BEND6: variants seen among roughly 807,000 people sequenced by gnomAD.
BEND6 encodes the protein BEN domain containing 6.
Under a neutral mutation model 31.8 loss-of-function variants are expected in BEND6, and 24 were observed. The ratio of observed to expected loss-of-function variants is 0.75; its 90% CI spans 0.55 to 1.06. The LOEUF (loss-of-function observed/expected upper bound fraction) is 1.06. Among genes scored for constraint, BEND6 ranks in the 50% least tolerant of loss-of-function variants. The pLI is 0.00. For missense variants in BEND6, 294 were observed against 327.4 expected, an observed-to-expected ratio of 0.90 and a Z score of 0.79; for synonymous variants, 109 against 114.6, an observed-to-expected ratio of 0.95 and a Z score of 0.31.
chr6:57,024,488 G>A (rs867938820), intron 6 of BEND6, among the ~76,000 whole-genome samples: 60 of 151,638 alleles, frequency 4.0e-4, no homozygotes, highest in African/African-American at 9.7e-4. Context: ...AGTATTTTTG[G>A]ATGACAGTTT....
At chr6:56,966,747 A>T (rs1204114912) in intron 1 of BEND6, among the ~76,000 whole-genome samples, 4 of 152,144 alleles carry the variant, frequency 2.6e-5, no homozygotes, top group Admixed American at 6.6e-5. Flanking sequence ...ATTTCCGAAA[A>T]GACAAAGGCT....
intron 2 of BEND6, among the ~76,000 whole-genome samples, 164 bp from the exon 3 acceptor site, chr6:56,992,214 G>A (rs1017707632): frequency 3.3e-5 from 5 of 152,164 alleles, no homozygotes; most frequent in African/African-American, 1.2e-4. Flanking sequence ...CCCTTATTTT[G>A]AGTTCCTCTG....
intron 3 of BEND6, among the ~76,000 whole-genome samples, chr6:57,013,346 T>G (rs1294461044): frequency 6.6e-6 from 1 of 152,138 alleles, no homozygotes; most frequent in Non-Finnish European, 1.5e-5. Flanking sequence ...ACGTGAGGCT[T>G]TGGTTGTCTC....
intron 5 of BEND6, among the ~76,000 whole-genome samples, chr6:57,018,175 G>A (rs1258130444): frequency 6.6e-6 from 1 of 152,176 alleles, no homozygotes; most frequent in Non-Finnish European, 1.5e-5. Flanking sequence ...AAGCAAGTAG[G>A]AGGATTAAAG....
intron 6 of BEND6, among the ~76,000 whole-genome samples, chr6:57,020,998 A>G (rs904665417): frequency 1.3e-5 from 2 of 152,174 alleles, no homozygotes; most frequent in Admixed American, 6.5e-5. Flanking sequence ...TCTGCTAGCT[A>G]TGGCATTAAT....
intron 1 of BEND6, among the ~76,000 whole-genome samples, chr6:56,974,221 A>T (rs972392421): frequency 2.6e-5 from 4 of 152,222 alleles, no homozygotes; most frequent in Admixed American, 6.5e-5. Flanking sequence ...ATGGAGAAAA[A>T]GGAATTAAAG....
intron 3 of BEND6, among the ~76,000 whole-genome samples, chr6:57,014,736 G>A (rs1324927487): frequency 6.6e-6 from 1 of 152,156 alleles, no homozygotes; most frequent in East Asian, 1.9e-4. Flanking sequence ...ACATAAACAG[G>A]CCTAATGTGA....
At chr6:56,964,766 G>A (rs1825410028) in intron 1 of BEND6, among the ~76,000 whole-genome samples, 1 of 152,202 alleles carries the variant, frequency 6.6e-6, no homozygotes, top group Non-Finnish European at 1.5e-5. Context: ...CAAGTATTGG[G>A]ATTACAGGTG....
intron 2 of BEND6, among the ~76,000 whole-genome samples, chr6:56,986,973 CTTTTTTTT>C (rs869195941): frequency 1.6e-5 from 2 of 123,816 alleles, no homozygotes; most frequent in Non-Finnish European, 1.7e-5. Context: ...TGTTTCTTTT[CTTTTTTTT>C]TTTTTTTTTT....
intron 6 of BEND6, among the ~76,000 whole-genome samples, chr6:57,023,697 T>C (rs930715085): frequency 6.6e-6 from 1 of 152,198 alleles, no homozygotes; most frequent in Admixed American, 6.6e-5. Flanking sequence ...CCTCAACTTC[T>C]TGGGCTCCAG....
chr6:56,978,857 T>C (rs1398203374), intron 1 of BEND6, among the ~76,000 whole-genome samples: 1 of 152,228 alleles, frequency 6.6e-6, no homozygotes, highest in Admixed American at 6.5e-5. Flanking sequence ...CTTAATAATG[T>C]TTCTTAACTG....
chr6:56,956,450 T>C (rs1320820024), intron 1 of BEND6, among the ~76,000 whole-genome samples: 2 of 152,244 alleles, frequency 1.3e-5, no homozygotes, highest in East Asian at 3.8e-4. Context: ...CGTGTGTAAG[T>C]ATTAAACCTA....
chr6:57,022,195 C>T (rs1393767323), intron 6 of BEND6, among the ~76,000 whole-genome samples: 22 of 133,900 alleles, frequency 1.6e-4, no homozygotes, highest in Non-Finnish European at 2.5e-4. Flanking sequence ...AGAATTAGAG[C>T]AGAACTGGTA....
At chr6:56,971,358 G>T (rs1323118638) in intron 1 of BEND6, among the ~76,000 whole-genome samples, 1 of 152,074 alleles carries the variant, frequency 6.6e-6, no homozygotes, top group Admixed American at 6.5e-5. Flanking sequence ...TGCCCATTTT[G>T]CTTATTTATT....
intron 3 of BEND6, among the ~76,000 whole-genome samples, chr6:56,993,592 GTTAAA>G (rs1297034807): frequency 1.3e-5 from 2 of 152,182 alleles, no homozygotes; most frequent in Non-Finnish European, 2.9e-5. Context: ...AAGAATATTT[GTTAAA>G]TTAAAGGCTT....
At chr6:57,009,534 C>T (rs887653177) in intron 3 of BEND6, 7 of 152,130 alleles carry the variant, frequency 4.6e-5, no homozygotes, top group African/African-American at 1.7e-4. Flanking sequence ...ATATCATTAA[C>T]CATTAAAGGG....
At chr6:56,991,940 A>G (rs1196787387) in intron 2 of BEND6, among the ~76,000 whole-genome samples, 4 of 152,130 alleles carry the variant, frequency 2.6e-5, no homozygotes, top group Non-Finnish European at 5.9e-5. Context: ...ACTCTGGTAT[A>G]CCCTGCCATC....
At chr6:56,987,781 C>T (rs1157599222) in intron 2 of BEND6, among the ~76,000 whole-genome samples, 1 of 152,056 alleles carries the variant, frequency 6.6e-6, no homozygotes, top group Admixed American at 6.6e-5. Flanking sequence ...TTTTAAACAA[C>T]AAACTTCTAG....
chr6:56,994,242 G>A (rs1826616287), intron 3 of BEND6, among the ~76,000 whole-genome samples: 1 of 151,824 alleles, frequency 6.6e-6, no homozygotes, highest in African/African-American at 2.4e-5. Context: ...GGTGGATCAA[G>A]AGGTCAGGAG....
Sources: gnomAD v4.1 joint callset for allele counts (sites outside exome capture counted in the v4.1 genomes callset) on GRCh38, gnomAD v4.1.1 for gene constraint, MANE v1.5 for transcripts, NCBI Gene and HGNC (gene_info 2026-07-23, HGNC 2026-07-21) for gene names.